The following GNAO1 variants were observed in gnomAD, a reference collection of about 807,000 sequenced individuals.
GNAO1 encodes G protein subunit alpha o1, also known as guanine nucleotide-binding protein G(o) subunit alpha.
For synonymous variants in GNAO1, 164 were observed against 180.7 expected (o/e 0.91, Z 0.74); for missense variants, 166 against 478.7 (o/e 0.35, Z 6.10).
chr16:56,339,758 C>G (rs1465487346), intron 6 of GNAO1: 2 of 153,218 alleles, frequency 1.3e-5, no homozygotes, highest in Non-Finnish European at 2.9e-5. Flanking sequence ...ACGGTCGCCT[C>G]CACTGCCTGC....
At chr16:56,342,581 G>A (rs2037816424) in intron 6 of GNAO1, among the ~76,000 whole-genome samples, 1 of 152,268 alleles carries the variant, frequency 6.6e-6, no homozygotes, top group African/African-American at 2.4e-5. Flanking sequence ...AAGGCAGCAT[G>A]TGAGCCAGGC....
intron 2 of GNAO1, among the ~76,000 whole-genome samples, chr16:56,203,179 G>A (rs1380034885): frequency 6.6e-6 from 1 of 152,068 alleles, no homozygotes; most frequent in Non-Finnish European, 1.5e-5. Context: ...AGACACTGTT[G>A]TTTTACTCCA....
chr16:56,306,065 G>C (rs1008355437), intron 3 of GNAO1, among the ~76,000 whole-genome samples: 1 of 152,212 alleles, frequency 6.6e-6, no homozygotes, highest in African/African-American at 2.4e-5. Flanking sequence ...CTGAGATGAA[G>C]CTCGTGGATC....
chr16:56,212,476 T>C (rs1424453139), intron 2 of GNAO1, among the ~76,000 whole-genome samples: 1 of 151,676 alleles, frequency 6.6e-6, no homozygotes, highest in Non-Finnish European at 1.5e-5. Context: ...CTTTCAGTGG[T>C]CCCACCTCAA....
chr16:56,346,481 G>A, intron 6 of GNAO1: 3 of 985,202 alleles, frequency 3.0e-6, no homozygotes, highest in Non-Finnish European at 1.2e-6. Flanking sequence ...CATGCCTATG[G>A]GCCAGTTTTG....
At chr16:56,225,377 C>G (rs2036524900) in intron 2 of GNAO1, among the ~76,000 whole-genome samples, 2 of 152,194 alleles carry the variant, frequency 1.3e-5, no homozygotes, top group African/African-American at 4.8e-5. Flanking sequence ...AGGCTTGGCA[C>G]TTTTGTGCAT....
chr16:56,340,774 C>T lies in GNAO1; in HGVS notation c.723+3914C>T, dbSNP rs115928703. On this transcript the variant is annotated intron_variant, in intron 6 of 8. Coordinates refer to ENST00000262493, the MANE Select transcript of GNAO1 (RefSeq NM_020988.3). ...TTGCTTGTCCCGCTGTGTCATTGGCCGCGGTGGGTCAGGGCCCTGGATGCT... is the reference window on the plus strand; with the variant it reads ...TTGCTTGTCCCGCTGTGTCATTGGCTGCGGTGGGTCAGGGCCCTGGATGCT... 3,686 of 1,507,580 alleles carry T rather than the reference C, an allele frequency of 2.4e-3. 70 individuals are homozygous for T. In the African/African-American group the frequency reaches 0.044, roughly 18 times the overall value. 93.4% of individuals were successfully genotyped at this position (1,507,580 alleles called of 1,614,324 possible). A position where few individuals can be genotyped will look rare whatever the true frequency, so the allele number is the denominator to read the frequency against.
intron 2 of GNAO1, among the ~76,000 whole-genome samples, chr16:56,203,364 C>T (rs1359695089): frequency 6.6e-6 from 1 of 152,112 alleles, no homozygotes; most frequent in African/African-American, 2.4e-5. Context: ...CAATCATCAT[C>T]CTTCTCTGGA....
intron 3 of GNAO1, among the ~76,000 whole-genome samples, chr16:56,327,119 C>T (rs1369299140): frequency 6.6e-6 from 1 of 152,138 alleles, no homozygotes; most frequent in Non-Finnish European, 1.5e-5. Context: ...GCAATGCTGT[C>T]TACTGAGCCT....
intron 6 of GNAO1, chr16:56,347,091 T>C (rs1476979627): frequency 3.0e-6 from 3 of 985,400 alleles, no homozygotes; most frequent in Non-Finnish European, 3.6e-6. Flanking sequence ...AGTGAGTCCA[T>C]TGCAGTCCCA....
intron 2 of GNAO1, among the ~76,000 whole-genome samples, chr16:56,264,143 G>C (rs2036930236): frequency 6.6e-6 from 1 of 152,254 alleles, no homozygotes; most frequent in South Asian, 2.1e-4. Context: ...GCAGGCCTGA[G>C]AAGGATTCTT....
At chr16:56,224,480 T>A (rs555277537) in intron 2 of GNAO1, among the ~76,000 whole-genome samples, 180 of 152,278 alleles carry the variant, frequency 1.2e-3, no homozygotes, top group African/African-American at 4.0e-3. Context: ...GGGTTTTATT[T>A]TTATTTATTT....
In GNAO1 at chr16:56,237,765, C is replaced by T. The variant is rs974266133; in HGVS notation, c.162-38166C>T. ...CAAAGAAATAACAAACACTCTGGCT[C>T]CAGAAAAAAAAAATGGACACATTAT... On this transcript the variant is annotated intron_variant, in intron 2 of 8. Coordinates refer to ENST00000262493, the MANE Select transcript of GNAO1 (RefSeq NM_020988.3). Among the ~76,000 whole-genome samples the T allele has an allele frequency of 5.3e-5, 8 of 151,622 alleles. No homozygotes were observed. In the South Asian group the frequency reaches 1.5e-3, roughly 28 times the overall value.
intron 3 of GNAO1, among the ~76,000 whole-genome samples, chr16:56,294,198 A>T (rs1271146666): frequency 1.3e-5 from 2 of 152,192 alleles, no homozygotes; most frequent in Non-Finnish European, 2.9e-5. Flanking sequence ...TTAGCAGGAC[A>T]CTGCAGGCAG....
chr16:56,272,585 G>A (rs1165924263), intron 2 of GNAO1, among the ~76,000 whole-genome samples: 2 of 152,192 alleles, frequency 1.3e-5, no homozygotes, highest in Non-Finnish European at 2.9e-5. Flanking sequence ...AGTATTTTCA[G>A]CCCATGAATT....
chr16:56,321,204 C>G (rs2037568407), intron 3 of GNAO1, among the ~76,000 whole-genome samples: 1 of 152,160 alleles, frequency 6.6e-6, no homozygotes, highest in South Asian at 2.1e-4. Flanking sequence ...ATTTGGGGTA[C>G]AAGTGCAAAA....
intron 3 of GNAO1, among the ~76,000 whole-genome samples, chr16:56,321,695 C>G (rs2037572769): frequency 6.6e-6 from 1 of 152,142 alleles, no homozygotes; most frequent in Non-Finnish European, 1.5e-5. Flanking sequence ...AAAAAAGCCA[C>G]AAAGGCAGAG....
chr16:56,265,100 G>T (rs751086504), intron 2 of GNAO1, among the ~76,000 whole-genome samples: 2 of 152,162 alleles, frequency 1.3e-5, no homozygotes, highest in Non-Finnish European at 2.9e-5. Context: ...AAGCACCCTC[G>T]TGGTCAGACA....
chr16:56,236,001 C>A (rs2036633972), intron 2 of GNAO1, among the ~76,000 whole-genome samples: 3 of 152,094 alleles, frequency 2.0e-5, no homozygotes, highest in South Asian at 4.1e-4. Flanking sequence ...GATGGTGATT[C>A]TTTGAGTCAT....
Sources: allele counts gnomAD v4.1 joint callset (sites outside exome capture counted in the v4.1 genomes callset), GRCh38; gene constraint gnomAD v4.1.1; transcripts MANE v1.5; gene names NCBI Gene and HGNC (gene_info 2026-07-23, HGNC 2026-07-21).